Variants in SNTG1 observed in about 807,000 individuals in gnomAD.
SNTG1 encodes gamma-1-syntrophin.
In SNTG1, 39 loss-of-function variants were observed where a neutral mutation model predicts 74.7. The ratio of observed to expected loss-of-function variants is 0.52; its 90% CI spans 0.40 to 0.68. The LOEUF (loss-of-function observed/expected upper bound fraction) is 0.68. SNTG1 is among the 30% of genes least tolerant of loss of function. The probability of loss-of-function intolerance (pLI) is 0.00; values close to 1 mark genes in which losing one functional copy is unlikely to be tolerated. For missense variants in SNTG1, 685 were observed against 609.5 expected, an observed-to-expected ratio of 1.12 and a Z score of -1.30; for synonymous variants, 254 against 217.1, an observed-to-expected ratio of 1.17 and a Z score of -1.49.
chr8:50,560,672 A>G (rs1398938398), intron 12 of SNTG1, among the ~76,000 whole-genome samples: 1 of 152,148 alleles, frequency 6.6e-6, no homozygotes, highest in Non-Finnish European at 1.5e-5. Flanking sequence ...GAATGACAAG[A>G]ACACGTGGAC....
rs113795149 is a variant in SNTG1, at chr8:50,423,457, A to G, written c.163-15086A>G. Among the ~76,000 whole-genome samples, 684 of 152,312 alleles carry G rather than the reference A, an allele frequency of 4.5e-3. 7 individuals carry two copies. Among genetic ancestry groups the G allele is most frequent in the African/African-American group, 0.016 (648 of 41,572 alleles). Reference sequence around the variant, plus strand: ...ATTATCCCTTTCCAAAAGTTCATTTATTCACTTATGTTTTTGCACTCAACA... The same window carrying G: ...ATTATCCCTTTCCAAAAGTTCATTTGTTCACTTATGTTTTTGCACTCAACA... On this transcript the variant is annotated intron_variant, in intron 4 of 18. Transcript: ENST00000642720.
At chr8:49,945,227 T>C (rs760565183) in intron 1 of SNTG1, among the ~76,000 whole-genome samples, 5 of 152,188 alleles carry the variant, frequency 3.3e-5, no homozygotes, top group Admixed American at 1.3e-4. Context: ...GTGTTGGAAG[T>C]CTGGTAGGTT....
intron 15 of SNTG1, among the ~76,000 whole-genome samples, chr8:50,697,044 T>C (rs1005527000): frequency 1.3e-5 from 2 of 152,162 alleles, no homozygotes; most frequent in South Asian, 4.1e-4. Context: ...AATATGGCCA[T>C]TTTAACAATA....
At chr8:50,636,370 C>T (rs1490362965) in intron 13 of SNTG1, among the ~76,000 whole-genome samples, 4 of 151,952 alleles carry the variant, frequency 2.6e-5, no homozygotes, top group Non-Finnish European at 5.9e-5. Context: ...AGTTACAGCT[C>T]TTGTGGTCTA....
intron 9 of SNTG1, among the ~76,000 whole-genome samples, chr8:50,519,449 G>A (rs532059300): frequency 1.3e-5 from 2 of 152,182 alleles, no homozygotes; most frequent in South Asian, 2.1e-4. Flanking sequence ...GGAAGTTCTG[G>A]CCAGGGCAAT....
chr8:50,565,622 C>T (rs922380204), intron 12 of SNTG1, among the ~76,000 whole-genome samples: 14 of 151,942 alleles, frequency 9.2e-5, no homozygotes, highest in African/African-American at 3.4e-4. Context: ...TTTGTGAGAG[C>T]TTACTGTGTC....
intron 18 of SNTG1, among the ~76,000 whole-genome samples, chr8:50,778,673 A>G (rs2095648723): frequency 7.8e-6 from 1 of 127,780 alleles, no homozygotes; most frequent in Non-Finnish European, 1.5e-5. Flanking sequence ...CTCTGATGGT[A>G]GTTTCTTTTG....
At chr8:50,063,163 T>C (rs189341720) in intron 1 of SNTG1, among the ~76,000 whole-genome samples, 2 of 152,358 alleles carry the variant, frequency 1.3e-5, no homozygotes, top group Admixed American at 6.5e-5. Flanking sequence ...AGTTCTTGCA[T>C]CAGATACGTA....
chr8:50,734,681 T>A (rs1404272466), intron 17 of SNTG1, among the ~76,000 whole-genome samples: 1 of 147,996 alleles, frequency 6.8e-6, no homozygotes. Flanking sequence ...TATATAGATA[T>A]GTATATATGG....
At chr8:50,215,519 A>T (rs1466455281) in intron 2 of SNTG1, among the ~76,000 whole-genome samples, 5 of 149,128 alleles carry the variant, frequency 3.4e-5, no homozygotes, top group African/African-American at 9.8e-5. Context: ...AAAGGTTGAG[A>T]TTAGTTTAAG....
rs567601149 is a variant in SNTG1, at chr8:50,755,067, A to AG, written c.1395+2963dup. Among the ~76,000 whole-genome samples, 4 of 151,686 alleles carry AG rather than the reference A, an allele frequency of 2.6e-5. No homozygotes were observed. In the South Asian group the frequency reaches 8.3e-4, roughly 31 times the overall value. ...CTCTGTAGTCAACATCCCCCACCAG[A>AG]GGGGGGGATGAAGTTATAGCTGATG... On this transcript the variant is annotated intron_variant, in intron 18 of 18. Coordinates refer to ENST00000642720, the MANE Select transcript of SNTG1 (RefSeq NM_018967.5).
chr8:49,976,258 T>G (rs1413253927), intron 1 of SNTG1, among the ~76,000 whole-genome samples: 1 of 152,006 alleles, frequency 6.6e-6, no homozygotes, highest in Non-Finnish European at 1.5e-5. Flanking sequence ...GGAAAATAAG[T>G]TTTTTTTGTT....
chr8:50,091,056 C>T (rs1345481162), intron 1 of SNTG1, among the ~76,000 whole-genome samples: 1 of 151,914 alleles, frequency 6.6e-6, no homozygotes, highest in Admixed American at 6.6e-5. Context: ...TTCTTACTTT[C>T]CCATGAATAG....
At chr8:50,208,130 T>C (rs1223936521) in intron 2 of SNTG1, among the ~76,000 whole-genome samples, 1 of 152,196 alleles carries the variant, frequency 6.6e-6, no homozygotes, top group African/African-American at 2.4e-5. Context: ...TTCTTAACTT[T>C]CTGTCTCGTC....
At chr8:50,001,855 ATT>A (rs1563454666) in intron 1 of SNTG1, among the ~76,000 whole-genome samples, 1 of 152,134 alleles carries the variant, frequency 6.6e-6, no homozygotes, top group Non-Finnish European at 1.5e-5. Context: ...AGTGTATTTG[ATT>A]TATACAACCT....
At chr8:50,534,720 C>T (rs536360586) in intron 10 of SNTG1, among the ~76,000 whole-genome samples, 25 of 152,156 alleles carry the variant, frequency 1.6e-4, no homozygotes, top group Non-Finnish European at 2.9e-4. Flanking sequence ...GCGGAGGTTT[C>T]AGTGAGCTAA....
chr8:50,072,060 C>T (rs1821418399), intron 1 of SNTG1, among the ~76,000 whole-genome samples: 1 of 152,126 alleles, frequency 6.6e-6, no homozygotes, highest in Non-Finnish European at 1.5e-5. Flanking sequence ...TTCTTGAATG[C>T]ATTTTTGAAA....
chr8:50,331,240 TAA>T (rs2130877953), intron 2 of SNTG1, among the ~76,000 whole-genome samples: 1 of 152,296 alleles, frequency 6.6e-6, no homozygotes, highest in African/African-American at 2.4e-5. Context: ...TATTTTTTAC[TAA>T]GTGTGTCTTT....
chr8:50,692,514 A>G (rs1196573613), intron 15 of SNTG1, among the ~76,000 whole-genome samples: 3 of 151,950 alleles, frequency 2.0e-5, no homozygotes, highest in African/African-American at 7.3e-5. Flanking sequence ...CTGGAGGTCC[A>G]CTCCAGACCC....
Sources: allele counts gnomAD v4.1 joint callset (sites outside exome capture counted in the v4.1 genomes callset), GRCh38; gene constraint gnomAD v4.1.1; transcripts MANE v1.5; gene names NCBI Gene and HGNC (gene_info 2026-07-23, HGNC 2026-07-21).